UNC79: variants seen among roughly 807,000 people sequenced by gnomAD.
The protein encoded by UNC79 is protein unc-79 homolog.
In UNC79, 37 loss-of-function variants were observed where a neutral mutation model predicts 283.1. The ratio of observed to expected loss-of-function variants is 0.13; its 90% CI spans 0.10 to 0.17. UNC79 has a LOEUF of 0.17. UNC79 is among the 10% of genes least tolerant of loss of function. The pLI, the probability that UNC79 is intolerant of heterozygous loss-of-function variation, is 1.00. For synonymous variants in UNC79, 1,107 were observed against 1,200.2 expected, an observed-to-expected ratio of 0.92 and a Z score of 1.61; for missense variants, 2,272 against 3,211.1, an observed-to-expected ratio of 0.71 and a Z score of 7.07.
At chr14:93,485,321 C>G (rs547461006) in intron 4 of UNC79, among the ~76,000 whole-genome samples, 12 of 151,552 alleles carry the variant, frequency 7.9e-5, no homozygotes, top group Middle Eastern at 3.4e-3. Context: ...ACAAAGGGCA[C>G]AGGGTGTGCA....
intron 45 of UNC79, chr14:93,691,307 T>G (rs1484326394): frequency 5.3e-6 from 1 of 189,320 alleles, no homozygotes; most frequent in Non-Finnish European, 1.1e-5. Context: ...CCGCTGCTGC[T>G]GCTATGATTA....
At chr14:93,669,355 C>A (rs1036010885) in intron 40 of UNC79, among the ~76,000 whole-genome samples, 1 of 152,130 alleles carries the variant, frequency 6.6e-6, no homozygotes, top group Non-Finnish European at 1.5e-5. Flanking sequence ...GAGGTGTTAG[C>A]CCAGCACTGA....
At chr14:93,445,708 A>G (rs34443228) in intron 1 of UNC79, among the ~76,000 whole-genome samples, 5 of 152,160 alleles carry the variant, frequency 3.3e-5, no homozygotes, top group Non-Finnish European at 1.5e-5. Context: ...TTTTTTGATA[A>G]ATTCACCATT....
chr14:93,660,520 CATATATAT>C (rs57703735), intron 39 of UNC79, among the ~76,000 whole-genome samples: 2,369 of 48,618 alleles, frequency 0.049, 67 homozygotes, highest in East Asian at 0.11. Flanking sequence ...AAGACAATAG[CATATATAT>C]ATATATATAT....
intron 41 of UNC79, among the ~76,000 whole-genome samples, chr14:93,675,357 T>C (rs1262624841): frequency 6.6e-6 from 1 of 152,126 alleles, no homozygotes; most frequent in Non-Finnish European, 1.5e-5. Flanking sequence ...AGGCCTGACA[T>C]GGGCCAGGTG....
upstream of UNC79, among the ~76,000 whole-genome samples, chr14:93,429,990 C>T (rs905807229): frequency 1.3e-5 from 2 of 152,176 alleles, no homozygotes; most frequent in Non-Finnish European, 2.9e-5. Flanking sequence ...CTTCCCGACT[C>T]CAAGTGTCTC....
At position 93,706,592 on chromosome 14, in the gene UNC79, G is replaced by C. The variant is rs1216031338; in HGVS notation, c.7591-112G>C. 7 of 1,258,172 alleles carry C rather than the reference G, an allele frequency of 5.6e-6. No homozygotes were observed. In the East Asian group the frequency reaches 1.4e-4, roughly 25 times the overall value. The allele number at this position is 1,258,172 out of a possible 1,614,324, so 77.9% of individuals were successfully genotyped here. ...TAGAGAGTTTGCCTTCTTCAGGCCA[G>C]ACAACCCTTGAGCCAAGCCTAAATT... On this transcript the variant is annotated intron_variant, in intron 48 of 48. Transcript: ENST00000555664.
chr14:93,690,045 A>G lies in UNC79; in HGVS notation c.7086-72A>G, dbSNP rs765464932. Reference sequence around the variant, plus strand: ...ACCACACTTTCAATCCCTTCCTTCAATAAGCATTTGTTATGCACCCAATGA... The same window carrying G: ...ACCACACTTTCAATCCCTTCCTTCAGTAAGCATTTGTTATGCACCCAATGA... On this transcript the variant is annotated intron_variant, in intron 44 of 48. Transcript: ENST00000555664. The surrounding 1 kb of genome is among the most constrained non-coding windows in gnomAD (Gnocchi z 4.3). The G allele has an allele frequency of 1.4e-5, 21 of 1,516,352 alleles. No homozygotes were observed. The highest frequency in any genetic ancestry group is 1.7e-5 in the Non-Finnish European group (19 of 1,114,226). 93.9% of individuals were successfully genotyped at this position (1,516,352 alleles called of 1,614,324 possible).
chr14:93,689,833 A>T, intron 44 of UNC79: 1 of 368,066 alleles, frequency 2.7e-6, no homozygotes, highest in South Asian at 5.4e-5. Flanking sequence ...AAGGGTTTAG[A>T]AAGAGAAGCT....
exon 6 of UNC79, chr14:93,496,422 C>A: frequency 6.5e-7 from 1 of 1,544,972 alleles, no homozygotes; most frequent in Non-Finnish European, 8.7e-7. Flanking sequence ...GTATCATTGT[C>A]AATTACTGGA....
intron 26 of UNC79, among the ~76,000 whole-genome samples, chr14:93,610,573 A>C (rs993845275): frequency 1.3e-5 from 2 of 152,132 alleles, no homozygotes; most frequent in East Asian, 3.8e-4. Context: ...CTAGTGGAAA[A>C]ACAAATCTAG....
At chr14:93,512,324 T>G (rs919655380) in intron 7 of UNC79, among the ~76,000 whole-genome samples, 1 of 152,276 alleles carries the variant, frequency 6.6e-6, no homozygotes, top group African/African-American at 2.4e-5. Context: ...TTTCTGTTTA[T>G]TTTTGGTATT....
exon 30 of UNC79, chr14:93,622,110 C>A: frequency 6.2e-7 from 1 of 1,614,180 alleles, no homozygotes; most frequent in Non-Finnish European, 8.5e-7. Context: ...ATACTCTCAA[C>A]CTCCGACAGC....
intron 10 of UNC79, among the ~76,000 whole-genome samples, chr14:93,530,721 A>T (rs374027729): frequency 5.6e-4 from 85 of 152,300 alleles, no homozygotes; most frequent in African/African-American, 1.8e-3. Flanking sequence ...CATCCTGGCT[A>T]ACATGGTGAA....
intron 41 of UNC79, among the ~76,000 whole-genome samples, chr14:93,678,098 C>A (rs950737710): frequency 3.3e-5 from 5 of 152,128 alleles, no homozygotes; most frequent in African/African-American, 7.2e-5. Context: ...TCAGAGGAAA[C>A]CTTTCCCCTT....
chr14:93,504,354 T>C (rs556219912), intron 7 of UNC79, among the ~76,000 whole-genome samples: 2 of 152,130 alleles, frequency 1.3e-5, no homozygotes, highest in East Asian at 1.9e-4. Flanking sequence ...GTTAAACATA[T>C]ACAAACACTC....
intron 7 of UNC79, among the ~76,000 whole-genome samples, chr14:93,516,456 G>GT (rs893838309): frequency 6.2e-4 from 74 of 120,004 alleles, no homozygotes; most frequent in Non-Finnish European, 8.6e-4. Flanking sequence ...TTTTTGGGGG[G>GT]GGGGGTGGGG....
intron 11 of UNC79, among the ~76,000 whole-genome samples, chr14:93,535,937 G>A (rs747166422): frequency 1.1e-4 from 16 of 152,168 alleles, no homozygotes; most frequent in Non-Finnish European, 1.8e-4. Context: ...TGGAGAACCC[G>A]CCTCTGGTCA....
At chr14:93,594,524 C>T (rs1339937648) in intron 23 of UNC79, among the ~76,000 whole-genome samples, 2 of 152,144 alleles carry the variant, frequency 1.3e-5, no homozygotes, top group Non-Finnish European at 2.9e-5. Flanking sequence ...CCCACCTTGG[C>T]CTCCCAAAGT....
Sources: allele counts gnomAD v4.1 joint callset (sites outside exome capture counted in the v4.1 genomes callset), GRCh38; gene constraint gnomAD v4.1.1; non-coding constraint Gnocchi (gnomAD v3.1); transcripts MANE v1.5; gene names NCBI Gene and HGNC (gene_info 2026-07-23, HGNC 2026-07-21).